PCDHA9: variants seen among roughly 807,000 people sequenced by gnomAD.
PCDHA9 encodes protocadherin alpha-9.
Under a neutral mutation model 62.0 loss-of-function variants are expected in PCDHA9, and 62 were observed. The ratio of observed to expected loss-of-function variants is 1.00; its 90% CI spans 0.81 to 1.23. PCDHA9 has a LOEUF of 1.23. Among genes scored for constraint, PCDHA9 ranks in the 50% most tolerant of loss-of-function variants. The pLI is 0.00. For missense variants in PCDHA9, 1,205 were observed against 1,249.8 expected (o/e 0.96, Z 0.54); for synonymous variants, 557 against 567.6 (o/e 0.98, Z 0.27).
chr5:140,941,685 A>G (rs983394705), intron 1 of PCDHA9, among the ~76,000 whole-genome samples: 2 of 151,952 alleles, frequency 1.3e-5, no homozygotes, highest in Non-Finnish European at 2.9e-5. Flanking sequence ...TATTCTGTTT[A>G]CCTCTTTGGG....
At chr5:140,876,793 G>A (rs782321220) in intron 1 of PCDHA9, 2 of 1,614,240 alleles carry the variant, frequency 1.2e-6, no homozygotes, top group Non-Finnish European at 1.7e-6. Context: ...CACGGCTAGA[G>A]TGTCCGTGGA....
At chr5:140,927,471 C>A (rs1371582285) in intron 1 of PCDHA9, 2 of 1,613,968 alleles carry the variant, frequency 1.2e-6, no homozygotes, top group African/African-American at 1.3e-5. Flanking sequence ...CACTGGATCG[C>A]GAACAGCGCG....
chr5:140,894,724 C>T (rs1322007306), intron 1 of PCDHA9, among the ~76,000 whole-genome samples: 7 of 151,784 alleles, frequency 4.6e-5, no homozygotes, highest in African/African-American at 9.7e-5. Context: ...TCAAATATTA[C>T]GTAGCAATTT....
At chr5:140,914,426 A>T (rs1554196349) in intron 1 of PCDHA9, among the ~76,000 whole-genome samples, 1 of 152,140 alleles carries the variant, frequency 6.6e-6, no homozygotes. Context: ...TTAGCAAGGA[A>T]TATCTTTTCC....
At chr5:140,970,252 T>A (rs2096392828) in intron 1 of PCDHA9, among the ~76,000 whole-genome samples, 1 of 152,234 alleles carries the variant, frequency 6.6e-6, no homozygotes, top group Non-Finnish European at 1.5e-5. Context: ...GTTGACAGTT[T>A]CTATGGTTTT....
intron 1 of PCDHA9, chr5:140,854,422 A>G (rs1322655400): frequency 1.3e-5 from 2 of 151,676 alleles, no homozygotes; most frequent in African/African-American, 4.9e-5. Flanking sequence ...AATCTCTAAA[A>G]TCAGAATTTG....
chr5:140,948,142 T>G (rs1194720907), intron 1 of PCDHA9, among the ~76,000 whole-genome samples: 1 of 151,674 alleles, frequency 6.6e-6, no homozygotes, highest in Admixed American at 6.6e-5. Flanking sequence ...CTAATTGATT[T>G]TTGAATGTTG....
chr5:140,850,397 G>A lies in PCDHA9; in HGVS notation c.1902G>A (p.Thr634=). 1.3e-6 allele frequency: 2 copies of A among 1,597,954 alleles called. No homozygotes were observed. The highest frequency in any genetic ancestry group is 1.7e-6 in the Non-Finnish European group (2 of 1,167,728). ...VGLYTGEIST[T]RALDETDAPR... ...TGTACACGGGCGAGATCAGCACAAC[G>A]CGTGCCCTGGACGAAACGGACGCAC... The change falls in exon 1 of 4, where the codon ACG becomes ACA. Residue 634 remains threonine, a synonymous_variant. Transcript: ENST00000532602.
chr5:140,851,638 T>A (rs2042116024), intron 1 of PCDHA9: 2 of 915,858 alleles, frequency 2.2e-6, no homozygotes, highest in Non-Finnish European at 2.7e-6. Context: ...AAGTGTTTCC[T>A]TTCTTCAAGA....
intron 1 of PCDHA9, chr5:140,851,374 C>A: frequency 4.1e-6 from 4 of 975,728 alleles, no homozygotes; most frequent in Non-Finnish European, 5.0e-6. Flanking sequence ...TCTGATTGTT[C>A]AGCAACCTTC....
At chr5:140,871,277 C>T (rs1187011496) in intron 1 of PCDHA9, 15 of 1,613,782 alleles carry the variant, frequency 9.3e-6, no homozygotes, top group Admixed American at 6.7e-5. Flanking sequence ...TGGTCGGCAA[C>T]GCCCACTGAG....
At position 140,879,431 on chromosome 5, in the gene PCDHA9, T is replaced by G. The variant is rs78313657; in HGVS notation, c.2394+28542T>G. 2.0e-5 allele frequency among the ~76,000 whole-genome samples: 3 copies of G among 152,202 alleles called. No homozygotes were observed. In the East Asian group the frequency reaches 5.8e-4, roughly 29 times the overall value. The stretch of plus-strand genomic sequence containing the variant: ...AGCAGGTAGGGAATGGAGATGAACA[T>G]TTAAGAAAATGTTACTTTGAAGTCC... On this transcript the variant is annotated intron_variant, in intron 1 of 3. Transcript: ENST00000532602.
At position 140,877,908 on chromosome 5, in the gene PCDHA9, T is replaced by C; in HGVS notation, c.2394+27019T>C. On this transcript the variant is annotated intron_variant, in intron 1 of 3. Coordinates refer to ENST00000532602, the MANE Select transcript of PCDHA9 (RefSeq NM_031857.2). The stretch of plus-strand genomic sequence containing the variant: ...ACTTCCGTTTAGGTTATAACTACAT[T>C]CTCTCATTTTTCTTTATGATTCTAT... 3 of 1,433,546 alleles carry C rather than the reference T, an allele frequency of 2.1e-6. No homozygotes were observed. The South Asian group carries it at 4.7e-5, about 22-fold the overall frequency. 88.8% of individuals were successfully genotyped at this position (1,433,546 alleles called of 1,614,324 possible).
intron 1 of PCDHA9, chr5:140,968,996 G>T: frequency 1.2e-6 from 2 of 1,614,202 alleles, no homozygotes; most frequent in Non-Finnish European, 1.7e-6. Flanking sequence ...ATGCTGTGGA[G>T]GCTTCTGTGG....
At chr5:140,921,992 C>T (rs963694302) in intron 1 of PCDHA9, among the ~76,000 whole-genome samples, 1 of 151,726 alleles carries the variant, frequency 6.6e-6, no homozygotes, top group East Asian at 1.9e-4. Context: ...AAAAAGAGTT[C>T]AATGAAATGA....
chr5:141,005,664 T>G (rs1554260244), intron 3 of PCDHA9, among the ~76,000 whole-genome samples: 1 of 122,102 alleles, frequency 8.2e-6, no homozygotes. Flanking sequence ...ATCGCGCCAC[T>G]GCACTCCAGC....
intron 1 of PCDHA9, among the ~76,000 whole-genome samples, chr5:140,942,287 G>A (rs1468201947): frequency 1.3e-5 from 2 of 152,102 alleles, no homozygotes; most frequent in African/African-American, 4.8e-5. Context: ...GCTCATGCCT[G>A]TAATCCTAGC....
rs114421153 is a variant in PCDHA9, at chr5:140,919,495, A to T, written c.2395-59454A>T. ...TATTTGGATTTATGTTTGTTATTTT[A>T]CTCCTTTTTCTATATGTTTTAATTC... On this transcript the variant is annotated intron_variant, in intron 1 of 3. Coordinates refer to ENST00000532602, the MANE Select transcript of PCDHA9 (RefSeq NM_031857.2). 4.5e-3 allele frequency among the ~76,000 whole-genome samples: 671 copies of T among 150,296 alleles called. 3 individuals are homozygous for T. Among genetic ancestry groups the T allele is most frequent in the African/African-American group, 0.016 (651 of 40,928 alleles).
In PCDHA9 at chr5:141,010,121, T is replaced by C; in HGVS notation, c.*184T>C. The C allele has an allele frequency of 1.2e-6, 2 of 1,606,996 alleles. No homozygotes were observed. The highest frequency in any genetic ancestry group is 1.7e-6 in the Non-Finnish European group (2 of 1,176,140). On this transcript the variant is annotated 3_prime_UTR_variant, in exon 4 of 4. Transcript: ENST00000532602. ...ACAGGTTTTGTCGTAAAAGCTTTAC[T>C]AAGTCTGGTGTTAACTCTTTCTCTC... is the stretch of plus-strand genomic sequence containing the variant.
Sources: allele counts gnomAD v4.1 joint callset (sites outside exome capture counted in the v4.1 genomes callset), GRCh38; gene constraint gnomAD v4.1.1; transcripts MANE v1.5; gene names NCBI Gene and HGNC (gene_info 2026-07-23, HGNC 2026-07-21).